SPOCK1: variants seen among roughly 807,000 people sequenced by gnomAD.
The protein encoded by SPOCK1 is testican-1.
SPOCK1 carries 23 observed loss-of-function variants against 55.3 expected under a neutral mutation model. The ratio of observed to expected loss-of-function variants is 0.42; its 90% CI spans 0.30 to 0.59. SPOCK1 has a LOEUF of 0.59. SPOCK1 is among the 20% of genes least tolerant of loss of function. SPOCK1 has a pLI of 0.22. For missense variants in SPOCK1, 499 were observed against 552.5 expected (o/e 0.90, Z 0.97); for synonymous variants, 226 against 221.0 (o/e 1.02, Z -0.20).
intron 5 of SPOCK1, among the ~76,000 whole-genome samples, chr5:137,074,766 G>C (rs142541953): frequency 1.3e-5 from 2 of 151,318 alleles, no homozygotes; most frequent in African/African-American, 4.9e-5. Context: ...GTGCAGTGGC[G>C]CAAACTCGGC....
intron 6 of SPOCK1, among the ~76,000 whole-genome samples, chr5:136,993,605 T>A (rs1311501442): frequency 6.6e-6 from 1 of 152,196 alleles, no homozygotes; most frequent in Non-Finnish European, 1.5e-5. Flanking sequence ...GAGCCCCACA[T>A]CTGTAACTTC....
intron 2 of SPOCK1, among the ~76,000 whole-genome samples, chr5:137,490,351 G>T (rs547445796): frequency 2.0e-5 from 3 of 152,332 alleles, no homozygotes; most frequent in African/African-American, 7.2e-5. Flanking sequence ...CTTGGGGACT[G>T]CCTGAGTGCC....
intron 4 of SPOCK1, among the ~76,000 whole-genome samples, chr5:137,133,441 T>C (rs1285750854): frequency 1.3e-5 from 2 of 152,020 alleles, no homozygotes; most frequent in Non-Finnish European, 2.9e-5. Context: ...CAATGTGCAA[T>C]ATCTGCCTCT....
chr5:137,151,313 T>C (rs189276653), intron 3 of SPOCK1, among the ~76,000 whole-genome samples: 2 of 152,268 alleles, frequency 1.3e-5, no homozygotes, highest in African/African-American at 4.8e-5. Flanking sequence ...TATATTAAGG[T>C]AATCAATGAT....
intron 2 of SPOCK1, among the ~76,000 whole-genome samples, chr5:137,423,669 G>A (rs756312791): frequency 1.3e-5 from 2 of 152,200 alleles, no homozygotes; most frequent in Admixed American, 6.5e-5. Context: ...CGATTTTCCA[G>A]GTGCCATCTG....
intron 6 of SPOCK1, among the ~76,000 whole-genome samples, chr5:137,052,025 G>A (rs1462193625): frequency 6.6e-6 from 1 of 152,206 alleles, no homozygotes; most frequent in Non-Finnish European, 1.5e-5. Flanking sequence ...AAGCAGAACT[G>A]TATCCAAATT....
chr5:137,399,355 CTTTATTG>C (rs1751925824), intron 2 of SPOCK1, among the ~76,000 whole-genome samples: 1 of 147,028 alleles, frequency 6.8e-6, no homozygotes, highest in Admixed American at 6.9e-5. Context: ...TATATTGCCT[CTTTATTG>C]TTTGTTGTTG....
chr5:137,064,507 T>C lies in SPOCK1; in HGVS notation c.589+3208A>G, dbSNP rs145752746. The stretch of plus-strand genomic sequence containing the variant: ...CTACGGTCCAGAGCCACAATGTGTC[T>C]CAGAGGCCAGGACTGCCTGTGGACA... On this transcript the variant is annotated intron_variant, in intron 6 of 10. Coordinates refer to ENST00000394945, the MANE Select transcript of SPOCK1 (RefSeq NM_004598.4). Among the ~76,000 whole-genome samples, 70 of 152,316 alleles carry C rather than the reference T, an allele frequency of 4.6e-4. 1 individual carries two copies. The highest frequency in any genetic ancestry group is 1.6e-3 in the African/African-American group (65 of 41,566).
intron 2 of SPOCK1, among the ~76,000 whole-genome samples, chr5:137,397,201 C>A (rs1216684689): frequency 6.6e-6 from 1 of 152,186 alleles, no homozygotes. Context: ...ATGCAGGGAG[C>A]TCCATGGATG....
At chr5:137,286,896 T>C (rs892565071) in intron 2 of SPOCK1, among the ~76,000 whole-genome samples, 6 of 152,002 alleles carry the variant, frequency 3.9e-5, no homozygotes, top group African/African-American at 1.5e-4. Flanking sequence ...AAAGGAAGAG[T>C]TACACAAATT....
intron 2 of SPOCK1, among the ~76,000 whole-genome samples, chr5:137,335,045 T>C (rs1249612145): frequency 6.6e-6 from 1 of 152,146 alleles, no homozygotes; most frequent in Non-Finnish European, 1.5e-5. Context: ...GGACCAGCAG[T>C]TGCCTGGGGT....
chr5:137,259,790 C>G (rs1229150370), intron 3 of SPOCK1, among the ~76,000 whole-genome samples: 1 of 151,612 alleles, frequency 6.6e-6, no homozygotes, highest in Admixed American at 6.6e-5. Context: ...GCACTTTCAA[C>G]TCTTGCTCTT....
intron 3 of SPOCK1, among the ~76,000 whole-genome samples, chr5:137,209,947 T>C (rs1350370965): frequency 1.3e-5 from 2 of 152,200 alleles, no homozygotes; most frequent in Non-Finnish European, 2.9e-5. Context: ...TGTTCCACCA[T>C]AGTCTTTTCA....
At chr5:137,483,470 T>A (rs556274358) in intron 2 of SPOCK1, among the ~76,000 whole-genome samples, 2 of 152,326 alleles carry the variant, frequency 1.3e-5, no homozygotes, top group East Asian at 3.9e-4. Context: ...GGGAATGTTG[T>A]CTGTTTTGTT....
chr5:137,388,503 T>C (rs1751643967), intron 2 of SPOCK1, among the ~76,000 whole-genome samples: 1 of 152,214 alleles, frequency 6.6e-6, no homozygotes, highest in African/African-American at 2.4e-5. Flanking sequence ...GCCAGATGTC[T>C]AGAGTGTACA....
At chr5:137,255,029 T>G (rs886495733) in intron 3 of SPOCK1, among the ~76,000 whole-genome samples, 1 of 152,234 alleles carries the variant, frequency 6.6e-6, no homozygotes, top group Non-Finnish European at 1.5e-5. Flanking sequence ...ATATTGTCAA[T>G]TTCGTCCATG....
At chr5:137,371,298 G>A (rs1199558171) in intron 2 of SPOCK1, among the ~76,000 whole-genome samples, 2 of 152,228 alleles carry the variant, frequency 1.3e-5, no homozygotes. Flanking sequence ...TTAAACTGGT[G>A]GGGCCAGCAC....
intron 6 of SPOCK1, among the ~76,000 whole-genome samples, chr5:137,039,185 C>T (rs768798399): frequency 1.3e-5 from 2 of 149,488 alleles, no homozygotes; most frequent in Non-Finnish European, 3.0e-5. Flanking sequence ...ATGAATTCAA[C>T]AGGTAAAGGA....
At chr5:137,298,920 T>G (rs1757538846) in intron 2 of SPOCK1, among the ~76,000 whole-genome samples, 1 of 152,162 alleles carries the variant, frequency 6.6e-6, no homozygotes, top group African/African-American at 2.4e-5. Flanking sequence ...CATTTAGGTG[T>G]CCTCCCTTTC....
Sources: gnomAD v4.1 joint callset for allele counts (sites outside exome capture counted in the v4.1 genomes callset) on GRCh38, gnomAD v4.1.1 for gene constraint, MANE v1.5 for transcripts, NCBI Gene and HGNC (gene_info 2026-07-23, HGNC 2026-07-21) for gene names.